The following SYT1 variants were observed in gnomAD, a reference collection of about 807,000 sequenced individuals.
The protein encoded by SYT1 is synaptotagmin 1.
SYT1 carries 8 observed loss-of-function variants against 44.8 expected under a neutral mutation model. The observed-to-expected ratio is 0.18, with a 90% CI of 0.10 to 0.32. The LOEUF is 0.32. SYT1 is among the 10% of genes least tolerant of loss of function. The pLI is 1.00. For synonymous variants in SYT1, 154 were observed against 188.8 expected (o/e 0.82, Z 1.51); for missense variants, 286 against 509.3 (o/e 0.56, Z 4.22).
Position 79,413,151 on chromosome 12 carries a change from A to T in SYT1, c.929-30922A>T, listed in dbSNP as rs551916140. On this transcript the variant is annotated intron_variant, in intron 9 of 10. Coordinates refer to ENST00000261205, the MANE Select transcript of SYT1 (RefSeq NM_005639.3). ...TTCCATTTCAAGAGGCAGTCAATGA[A>T]GTTGTCACCTGACCTCTTCCAATAA... Among the ~76,000 whole-genome samples the T allele has an allele frequency of 5.4e-4, 82 of 152,324 alleles. 1 individual carries two copies. The highest frequency in any genetic ancestry group is 1.9e-3 in the African/African-American group (80 of 41,574).
At chr12:78,902,881 A>G (rs777631503) in intron 1 of SYT1, among the ~76,000 whole-genome samples, 1 of 152,168 alleles carries the variant, frequency 6.6e-6, no homozygotes, top group Non-Finnish European at 1.5e-5. Flanking sequence ...TGAAGCTCCA[A>G]ATAAACATAC....
At chr12:79,329,477 A>G (rs1026911826) in intron 8 of SYT1, among the ~76,000 whole-genome samples, 13 of 152,214 alleles carry the variant, frequency 8.5e-5, no homozygotes, top group African/African-American at 2.9e-4. Context: ...AATTATTCTT[A>G]ATTACCTATG....
At chr12:79,325,504 T>C (rs1881570876) in intron 8 of SYT1, among the ~76,000 whole-genome samples, 2 of 152,256 alleles carry the variant, frequency 1.3e-5, no homozygotes, top group Admixed American at 6.5e-5. Flanking sequence ...AATTGCCTTT[T>C]AGATGCCAAA....
intron 2 of SYT1, among the ~76,000 whole-genome samples, chr12:79,003,664 A>T (rs1040973548): frequency 6.6e-6 from 1 of 151,962 alleles, no homozygotes; most frequent in Non-Finnish European, 1.5e-5. Context: ...TATACTGCAG[A>T]TCTTTCTGAA....
intron 4 of SYT1, among the ~76,000 whole-genome samples, chr12:79,237,543 G>A (rs1404447897): frequency 6.6e-6 from 1 of 152,140 alleles, no homozygotes; most frequent in East Asian, 1.9e-4. Context: ...AGAAACAATA[G>A]TCATTTCCAT....
Position 79,239,576 on chromosome 12 carries a change from C to T in SYT1, c.166+21891C>T, listed in dbSNP as rs553511955. On this transcript the variant is annotated intron_variant, in intron 4 of 10. Transcript: ENST00000261205. ...ATGAGAAATCTCTGTACAGTCTTAA[C>T]GTTTCTGTAAATCTAAACCTATTCT... is the stretch of plus-strand genomic sequence containing the variant. Among the ~76,000 whole-genome samples, 3 of 152,280 alleles carry T rather than the reference C, an allele frequency of 2.0e-5. No homozygotes were observed. The East Asian group carries it at 5.8e-4, about 29-fold the overall frequency.
chr12:79,065,290 G>A (rs1875756675), intron 3 of SYT1, among the ~76,000 whole-genome samples: 1 of 152,150 alleles, frequency 6.6e-6, no homozygotes, highest in Non-Finnish European at 1.5e-5. Context: ...AAGCTGAAGT[G>A]GGAGGGTCGC....
chr12:79,245,470 C>CATCAAAGAA, intron 4 of SYT1, among the ~76,000 whole-genome samples: 1 of 29,188 alleles, frequency 3.4e-5, no homozygotes, highest in Non-Finnish European at 6.3e-5. Flanking sequence ...GAGACTCCGT[C>CATCAAAGAA]AACAAAAAAA....
At chr12:79,292,823 GCTAC>G (rs1253141994) in intron 6 of SYT1, among the ~76,000 whole-genome samples, 1 of 152,048 alleles carries the variant, frequency 6.6e-6, no homozygotes, top group Non-Finnish European at 1.5e-5. Flanking sequence ...GATAATATTG[GCTAC>G]CTTTTATTGA....
intron 9 of SYT1, among the ~76,000 whole-genome samples, chr12:79,410,166 T>C (rs1296643319): frequency 6.6e-6 from 1 of 152,160 alleles, no homozygotes; most frequent in Non-Finnish European, 1.5e-5. Context: ...TGAAGAAAAC[T>C]GAGAGAATAA....
chr12:79,315,048 T>C (rs1318910284), intron 8 of SYT1, among the ~76,000 whole-genome samples: 2 of 152,122 alleles, frequency 1.3e-5, no homozygotes, highest in East Asian at 3.9e-4. Context: ...GAAAATCTTC[T>C]AGAATTAGAT....
At chr12:79,273,174 T>G (rs1294467427) in intron 4 of SYT1, among the ~76,000 whole-genome samples, 6 of 150,748 alleles carry the variant, frequency 4.0e-5, no homozygotes, top group African/African-American at 1.5e-4. Flanking sequence ...TGCAGTGCAG[T>G]GGCACAATCA....
intron 1 of SYT1, among the ~76,000 whole-genome samples, chr12:78,897,897 C>T (rs2137089036): frequency 6.6e-6 from 1 of 152,016 alleles, no homozygotes; most frequent in South Asian, 2.1e-4. Context: ...GCTGAAACTC[C>T]CAAGTTAGGA....
intron 3 of SYT1, among the ~76,000 whole-genome samples, chr12:79,104,812 G>C (rs1215140438): frequency 1.3e-5 from 2 of 152,116 alleles, no homozygotes; most frequent in Non-Finnish European, 2.9e-5. Flanking sequence ...TGAAAGAGGA[G>C]AGAATGGGGC....
At chr12:79,243,537 C>T (rs188741614) in intron 4 of SYT1, among the ~76,000 whole-genome samples, 5 of 152,214 alleles carry the variant, frequency 3.3e-5, no homozygotes, top group East Asian at 1.9e-4. Flanking sequence ...CTAAAGCAAT[C>T]GAAATCGAAT....
intron 1 of SYT1, among the ~76,000 whole-genome samples, chr12:78,950,515 CA>C (rs1227825074): frequency 6.6e-6 from 1 of 151,910 alleles, no homozygotes; most frequent in Non-Finnish European, 1.5e-5. Flanking sequence ...TTCATAAAAT[CA>C]AAACATTTGT....
chr12:79,004,483 G>T (rs937688525), intron 2 of SYT1, among the ~76,000 whole-genome samples: 4 of 151,864 alleles, frequency 2.6e-5, no homozygotes, highest in Non-Finnish European at 5.9e-5. Flanking sequence ...AATTACTTTA[G>T]TTAGCATAAG....
chr12:79,026,693 A>G (rs1030582890), intron 2 of SYT1, among the ~76,000 whole-genome samples: 5 of 140,092 alleles, frequency 3.6e-5, no homozygotes, highest in African/African-American at 5.3e-5. Flanking sequence ...ATATATATAT[A>G]TATATATATC....
intron 1 of SYT1, 118 bp from the exon 2 acceptor site, chr12:78,977,681 G>C (rs1868947245): frequency 6.6e-6 from 1 of 152,228 alleles, no homozygotes; most frequent in South Asian, 2.1e-4. Context: ...TGTGAATAAC[G>C]AATGGGCTGC....
Sources: allele counts gnomAD v4.1 joint callset (sites outside exome capture counted in the v4.1 genomes callset), GRCh38; gene constraint gnomAD v4.1.1; transcripts MANE v1.5; gene names NCBI Gene and HGNC (gene_info 2026-07-23, HGNC 2026-07-21).